Variants in SNX3 observed in about 807,000 individuals in gnomAD.
SNX3 encodes sorting nexin 3, also known as sorting nexin-3.
A neutral mutation model predicts 17.7 loss-of-function variants in SNX3; 5 were observed. The ratio of observed to expected loss-of-function variants is 0.28; its 90% CI spans 0.15 to 0.59. The LOEUF is 0.59. Among genes scored for constraint, SNX3 ranks in the 20% least tolerant of loss-of-function variants. The pLI, the probability that SNX3 is intolerant of heterozygous loss-of-function variation, is 0.88. For synonymous variants in SNX3, 91 were observed against 76.5 expected (o/e 1.19, Z -0.99); for missense variants, 132 against 206.8 (o/e 0.64, Z 2.22).
chr6:108,226,704 T>C (rs1372312559), intron 1 of SNX3, among the ~76,000 whole-genome samples: 1 of 152,262 alleles, frequency 6.6e-6, no homozygotes, highest in African/African-American at 2.4e-5. Context: ...TAAGTAGCTG[T>C]CACTCAGCAC....
chr6:108,223,159 G>A lies in SNX3; in HGVS notation c.163-114C>T, dbSNP rs544217827. 3.5e-5 allele frequency: 22 copies of A among 632,292 alleles called. No homozygotes were observed. The South Asian group carries it at 3.7e-4, about 11-fold the overall frequency. The allele number at this position is 632,292 out of a possible 1,614,324, so 39.2% of individuals were successfully genotyped here. A position where few individuals can be genotyped will look rare whatever the true frequency, so the allele number is the denominator to read the frequency against. On this transcript the variant is annotated intron_variant, in intron 1 of 3. Transcript: ENST00000230085. ...CATGACTTTCTTTTTCTTTTTTTGA[G>A]ACAGAATCTCCCTTTGTTGCCTAGG...
At chr6:108,252,515 A>C (rs950020979) in intron 1 of SNX3, 1 of 152,262 alleles carries the variant, frequency 6.6e-6, no homozygotes, top group African/African-American at 2.4e-5. Context: ...ACAAAAACCA[A>C]AAAACAAACC....
chr6:108,212,795 T>A (rs1774447583), intron 3 of SNX3, among the ~76,000 whole-genome samples: 1 of 152,182 alleles, frequency 6.6e-6, no homozygotes. Context: ...TGTACCCAAT[T>A]AGCTTTACAT....
At chr6:108,236,100 A>G (rs1426431283) in intron 1 of SNX3, among the ~76,000 whole-genome samples, 7 of 152,172 alleles carry the variant, frequency 4.6e-5, no homozygotes, top group Non-Finnish European at 1.0e-4. Flanking sequence ...TCTATGCTAA[A>G]GAAAGGTAAG....
chr6:108,256,723 G>A (rs376282112), intron 1 of SNX3, among the ~76,000 whole-genome samples: 4 of 152,182 alleles, frequency 2.6e-5, no homozygotes, highest in African/African-American at 9.7e-5. Flanking sequence ...AAAATCTCCA[G>A]AATATTAAAG....
At chr6:108,253,615 T>A (rs1414829403) in intron 1 of SNX3, among the ~76,000 whole-genome samples, 2 of 152,196 alleles carry the variant, frequency 1.3e-5, no homozygotes, top group Non-Finnish European at 2.9e-5. Flanking sequence ...CAAATGTCAC[T>A]GGTTTTCCTC....
chr6:108,228,952 G>C (rs915997748), intron 1 of SNX3, among the ~76,000 whole-genome samples: 2 of 152,152 alleles, frequency 1.3e-5, no homozygotes, highest in Admixed American at 6.5e-5. Context: ...AAGCTGTCTA[G>C]AATGTATGAC....
At chr6:108,258,681 T>G (rs1475218661) in intron 1 of SNX3, among the ~76,000 whole-genome samples, 1 of 151,830 alleles carries the variant, frequency 6.6e-6, no homozygotes, top group African/African-American at 2.4e-5. Context: ...CCAACTAATT[T>G]CTTTTTTTGT....
chr6:108,246,893 GA>G (rs1775708729), intron 1 of SNX3, among the ~76,000 whole-genome samples: 1 of 152,110 alleles, frequency 6.6e-6, no homozygotes, highest in Non-Finnish European at 1.5e-5. Context: ...GAGGAATCAG[GA>G]AAGATCATCA....
chr6:108,222,834 A>G, intron 2 of SNX3, 116 bp downstream of exon 2: 1 of 711,584 alleles, frequency 1.4e-6, no homozygotes, highest in Non-Finnish European at 2.4e-6. Context: ...AACTATTTGA[A>G]AAAAAGAAAT....
intron 1 of SNX3, among the ~76,000 whole-genome samples, chr6:108,252,038 C>T (rs1775874368): frequency 6.7e-6 from 1 of 149,422 alleles, no homozygotes; most frequent in African/African-American, 2.5e-5. Context: ...GCACTCCAGC[C>T]TGGGCAACAG....
intron 2 of SNX3, among the ~76,000 whole-genome samples, chr6:108,219,574 G>A (rs1007839014): frequency 2.0e-5 from 3 of 152,138 alleles, no homozygotes; most frequent in East Asian, 1.9e-4. Context: ...TCACGCCACC[G>A]CATTTCAGCC....
At chr6:108,232,913 GAGA>G (rs1448402525) in intron 1 of SNX3, among the ~76,000 whole-genome samples, 2 of 152,334 alleles carry the variant, frequency 1.3e-5, no homozygotes, top group Middle Eastern at 3.4e-3. Context: ...TAATAAGGCT[GAGA>G]AGAAGTCATT....
chr6:108,252,191 C>T (rs1775885010), intron 1 of SNX3: 1 of 152,120 alleles, frequency 6.6e-6, no homozygotes, highest in African/African-American at 2.4e-5. Context: ...TGTGCTGGGT[C>T]TAAGGAAGGG....
chr6:108,251,799 G>T (rs975469293), intron 1 of SNX3, among the ~76,000 whole-genome samples: 1 of 152,106 alleles, frequency 6.6e-6, no homozygotes, highest in Admixed American at 6.6e-5. Context: ...GGCCAGGCGC[G>T]GTGGCTCATG....
At chr6:108,219,020 G>A (rs1356642510) in intron 2 of SNX3, among the ~76,000 whole-genome samples, 1 of 152,230 alleles carries the variant, frequency 6.6e-6, no homozygotes, top group African/African-American at 2.4e-5. Context: ...TGGGTGAATT[G>A]CATGGTATGT....
At chr6:108,228,211 G>T (rs978227690) in intron 1 of SNX3, among the ~76,000 whole-genome samples, 1 of 152,076 alleles carries the variant, frequency 6.6e-6, no homozygotes, top group Admixed American at 6.6e-5. Flanking sequence ...TTGAGACCAG[G>T]CTGGGCAACA....
At position 108,248,329 on chromosome 6, in the gene SNX3, C is replaced by CA. The variant is rs75731234; in HGVS notation, c.162+12430dup. Among the ~76,000 whole-genome samples the CA allele has an allele frequency of 3.3e-5, 5 of 152,194 alleles. No individual in the cohort carries two copies. The East Asian group carries it at 9.6e-4, about 29-fold the overall frequency. The stretch of plus-strand genomic sequence containing the variant: ...GCATCTAGCAATGTCTGGAATATAA[C>CA]AGACAGTTCATAAATGTTCATTTAT... On this transcript the variant is annotated intron_variant, in intron 1 of 3. Transcript: ENST00000230085.
At chr6:108,219,967 G>A (rs1332063707) in intron 2 of SNX3, among the ~76,000 whole-genome samples, 1 of 151,806 alleles carries the variant, frequency 6.6e-6, no homozygotes, top group Non-Finnish European at 1.5e-5. Flanking sequence ...TGCAGGCCTA[G>A]GCTACTATGT....
Sources: allele counts gnomAD v4.1 joint callset (sites outside exome capture counted in the v4.1 genomes callset), GRCh38; gene constraint gnomAD v4.1.1; transcripts MANE v1.5; gene names NCBI Gene and HGNC (gene_info 2026-07-23, HGNC 2026-07-21).